Variants in LRRC4C observed in about 807,000 individuals in gnomAD.
The protein encoded by LRRC4C is leucine-rich repeat-containing protein 4C.
A neutral mutation model predicts 33.6 loss-of-function variants in LRRC4C; 5 were observed. That is an observed-to-expected ratio of 0.15 (90% CI 0.08 to 0.31). The LOEUF (loss-of-function observed/expected upper bound fraction) is 0.31. LRRC4C is among the 10% of genes least tolerant of loss of function. The pLI is 1.00. For missense variants in LRRC4C, 560 were observed against 796.7 expected, an observed-to-expected ratio of 0.70 and a Z score of 3.58; for synonymous variants, 329 against 302.0, an observed-to-expected ratio of 1.09 and a Z score of -0.93.
At chr11:40,415,155 C>T (rs1950281186) in intron 3 of LRRC4C, among the ~76,000 whole-genome samples, 1 of 151,986 alleles carries the variant, frequency 6.6e-6, no homozygotes, top group Non-Finnish European at 1.5e-5. Context: ...ATTATGGAGG[C>T]ATATGTTAAA....
chr11:41,262,012 T>TAAAAATAAA (rs1948997315), intron 1 of LRRC4C, among the ~76,000 whole-genome samples: 1 of 152,072 alleles, frequency 6.6e-6, no homozygotes, highest in Non-Finnish European at 1.5e-5. Flanking sequence ...ACCCAAAGGT[T>TAAAAATAAA]AAAAATAAAA....
chr11:40,557,639 A>T (rs1475446875), intron 3 of LRRC4C, among the ~76,000 whole-genome samples: 1 of 152,062 alleles, frequency 6.6e-6, no homozygotes, highest in Non-Finnish European at 1.5e-5. Context: ...CAAGATGAGG[A>T]AAGTGAGCTT....
At chr11:40,348,863 T>A (rs1947254972) in intron 3 of LRRC4C, among the ~76,000 whole-genome samples, 1 of 152,098 alleles carries the variant, frequency 6.6e-6, no homozygotes, top group Non-Finnish European at 1.5e-5. Context: ...AGAGAAGCAG[T>A]GAGGGAAATG....
chr11:40,827,460 T>C (rs1400771151), intron 2 of LRRC4C, among the ~76,000 whole-genome samples: 1 of 151,892 alleles, frequency 6.6e-6, no homozygotes, highest in Non-Finnish European at 1.5e-5. Flanking sequence ...CTCTTGAGCC[T>C]AAAGCCAAAA....
intron 1 of LRRC4C, among the ~76,000 whole-genome samples, chr11:41,333,287 A>T (rs1591289574): frequency 6.6e-6 from 1 of 152,320 alleles, no homozygotes; most frequent in East Asian, 1.9e-4. Flanking sequence ...AGAGGTCTTG[A>T]TCTTTTTCTC....
intron 4 of LRRC4C, among the ~76,000 whole-genome samples, chr11:40,257,770 G>T (rs1165624216): frequency 6.6e-6 from 1 of 152,126 alleles, no homozygotes; most frequent in Non-Finnish European, 1.5e-5. Context: ...AATCGCAATT[G>T]CCTGAACACT....
chr11:40,552,154 T>G (rs937338196), intron 3 of LRRC4C, among the ~76,000 whole-genome samples: 6 of 152,184 alleles, frequency 3.9e-5, no homozygotes, highest in African/African-American at 1.2e-4. Context: ...ATAAGTCAAT[T>G]TCTTAAAATG....
intron 1 of LRRC4C, among the ~76,000 whole-genome samples, chr11:41,265,005 ATAT>A (rs979285473): frequency 3.9e-5 from 6 of 152,246 alleles, no homozygotes; most frequent in Non-Finnish European, 8.8e-5. Context: ...GGACAAGTAA[ATAT>A]TGTGAGGGTA....
At chr11:40,947,746 C>A (rs1958470503) in intron 1 of LRRC4C, among the ~76,000 whole-genome samples, 4 of 151,928 alleles carry the variant, frequency 2.6e-5, no homozygotes, top group Admixed American at 2.6e-4. Flanking sequence ...CGCAGCTCTC[C>A]CCTCTCTGAT....
At chr11:40,513,441 A>C (rs990600340) in intron 3 of LRRC4C, among the ~76,000 whole-genome samples, 1 of 152,098 alleles carries the variant, frequency 6.6e-6, no homozygotes, top group Admixed American at 6.5e-5. Context: ...CCCCAGCAGG[A>C]GGAAATCACA....
chr11:40,750,864 A>T (rs191705872), intron 2 of LRRC4C, among the ~76,000 whole-genome samples: 85 of 152,194 alleles, frequency 5.6e-4, no homozygotes, highest in African/African-American at 2.0e-3. Flanking sequence ...AGATATAAAA[A>T]TTGTCAACAA....
intron 2 of LRRC4C, among the ~76,000 whole-genome samples, chr11:40,855,846 C>A (rs1347084812): frequency 6.6e-6 from 1 of 151,852 alleles, no homozygotes; most frequent in Non-Finnish European, 1.5e-5. Flanking sequence ...GAACCCCAAA[C>A]TCCCATTTCA....
chr11:40,629,289 A>T (rs1963250749), intron 3 of LRRC4C, among the ~76,000 whole-genome samples: 1 of 152,140 alleles, frequency 6.6e-6, no homozygotes. Context: ...TTTCTTGCTA[A>T]CATTATTTTA....
chr11:41,318,159 C>T (rs867240557), intron 1 of LRRC4C, among the ~76,000 whole-genome samples: 1 of 151,912 alleles, frequency 6.6e-6, no homozygotes, highest in African/African-American at 2.4e-5. Flanking sequence ...TGAATATTTC[C>T]CAAAGAAGAA....
At chr11:40,347,670 G>A (rs768667048) in intron 3 of LRRC4C, among the ~76,000 whole-genome samples, 6 of 152,122 alleles carry the variant, frequency 3.9e-5, no homozygotes, top group South Asian at 2.1e-4. Context: ...TTGCAATGGC[G>A]TGATCTTGGC....
At chr11:40,192,729 A>G (rs901907780) in intron 5 of LRRC4C, among the ~76,000 whole-genome samples, 3 of 152,174 alleles carry the variant, frequency 2.0e-5, no homozygotes, top group Admixed American at 2.0e-4. Context: ...CCAGCACAGC[A>G]GTCTGAAGTT....
chr11:40,851,027 T>C (rs4478975), intron 2 of LRRC4C, among the ~76,000 whole-genome samples: 140,397 of 152,252 alleles, frequency 0.92, 64,810 homozygotes, highest in East Asian at 1. Context: ...GTGCTGGCAG[T>C]GAGAATTTCA....
At chr11:40,666,140 C>G (rs1394019473) in intron 2 of LRRC4C, among the ~76,000 whole-genome samples, 4 of 152,074 alleles carry the variant, frequency 2.6e-5, no homozygotes, top group African/African-American at 9.7e-5. Flanking sequence ...GAATACTACT[C>G]TTCGACAGTC....
chr11:41,172,461 T>C (rs1356488216), intron 1 of LRRC4C, among the ~76,000 whole-genome samples: 2 of 152,174 alleles, frequency 1.3e-5, no homozygotes, highest in African/African-American at 4.8e-5. Flanking sequence ...ATTCCTTTCC[T>C]TCAAAGGTCA....
Sources: allele counts gnomAD v4.1 joint callset (sites outside exome capture counted in the v4.1 genomes callset), GRCh38; gene constraint gnomAD v4.1.1; transcripts MANE v1.5; gene names NCBI Gene and HGNC (gene_info 2026-07-23, HGNC 2026-07-21).